The following SLC25A21 variants were observed in gnomAD, a reference collection of about 807,000 sequenced individuals.
SLC25A21 encodes the protein mitochondrial 2-oxodicarboxylate carrier.
A neutral mutation model predicts 43.8 loss-of-function variants in SLC25A21; 47 were observed. The ratio of observed to expected loss-of-function variants is 1.07; its 90% CI spans 0.85 to 1.37. The LOEUF is 1.37. Among genes scored for constraint, SLC25A21 ranks in the 40% most tolerant of loss-of-function variants. The pLI, the probability that SLC25A21 is intolerant of heterozygous loss-of-function variation, is 0.00. For synonymous variants in SLC25A21, 131 were observed against 121.3 expected, an observed-to-expected ratio of 1.08 and a Z score of -0.52; for missense variants, 352 against 350.2, an observed-to-expected ratio of 1.00 and a Z score of -0.04.
intron 1 of SLC25A21, among the ~76,000 whole-genome samples, chr14:37,132,877 C>CACA (rs2138908132): frequency 6.6e-6 from 1 of 152,080 alleles, no homozygotes; most frequent in African/African-American, 2.4e-5. Flanking sequence ...ACTACAGGCA[C>CACA]ACACCACCAT....
rs534572915 is a variant in SLC25A21 at position 36,814,268 on chromosome 14, T to C, written c.120-267A>G. Among the ~76,000 whole-genome samples, 10 of 152,368 alleles carry C rather than the reference T, an allele frequency of 6.6e-5. No individual in the cohort carries two copies. In the East Asian group the frequency reaches 1.5e-3, roughly 24 times the overall value. On this transcript the variant is annotated intron_variant, in intron 2 of 9. Coordinates refer to ENST00000331299, the MANE Select transcript of SLC25A21 (RefSeq NM_030631.4). Reference sequence around the variant, plus strand: ...GCCAGGCAGATTTGCCCTGAGGCATTTGTGCTTTTTCCTTTTGTGAAGAGC... The same window carrying C: ...GCCAGGCAGATTTGCCCTGAGGCATCTGTGCTTTTTCCTTTTGTGAAGAGC...
chr14:37,048,582 G>A (rs995542018), intron 1 of SLC25A21, among the ~76,000 whole-genome samples: 3 of 151,994 alleles, frequency 2.0e-5, no homozygotes, highest in African/African-American at 7.3e-5. Context: ...TATAACCTTA[G>A]AGATGTCATA....
At chr14:37,046,472 ATCTC>A (rs910555057) in intron 1 of SLC25A21, among the ~76,000 whole-genome samples, 2 of 152,194 alleles carry the variant, frequency 1.3e-5, no homozygotes, top group African/African-American at 4.8e-5. Flanking sequence ...GAATTGGCCT[ATCTC>A]TCAATATATA....
chr14:37,033,925 T>A (rs541626066), intron 1 of SLC25A21, among the ~76,000 whole-genome samples: 34 of 152,204 alleles, frequency 2.2e-4, no homozygotes, highest in Non-Finnish European at 4.4e-4. Context: ...ACCATTTGAT[T>A]TCCAAGAAGC....
At chr14:37,161,011 G>GC (rs1963931289) in intron 1 of SLC25A21, among the ~76,000 whole-genome samples, 2 of 91,634 alleles carry the variant, frequency 2.2e-5, no homozygotes, top group Non-Finnish European at 5.0e-5. Context: ...GGTGGAGGGG[G>GC]CGGGGGGGAG....
At position 36,681,736 on chromosome 14, in the gene SLC25A21, C is replaced by CT. The variant is rs530598621; in HGVS notation, c.839-1018dup. Among the ~76,000 whole-genome samples the CT allele has an allele frequency of 1.7e-3, 255 of 148,314 alleles. 5 individuals carry two copies. The highest frequency in any genetic ancestry group is 7.0e-3 in the Middle Eastern group (2 of 286). On this transcript the variant is annotated intron_variant, in intron 9 of 9. Coordinates refer to ENST00000331299, the MANE Select transcript of SLC25A21 (RefSeq NM_030631.4). ...GTTATTTTGAACACACTGCCATATA[C>CT]TTTTTTTTTTAATCTATAGGCTGCA...
chr14:36,847,968 G>C (rs1889599435), intron 2 of SLC25A21, among the ~76,000 whole-genome samples: 1 of 152,174 alleles, frequency 6.6e-6, no homozygotes, highest in Non-Finnish European at 1.5e-5. Flanking sequence ...TAAGGAAGAG[G>C]TGATACACAC....
intron 3 of SLC25A21, among the ~76,000 whole-genome samples, chr14:36,747,920 G>A (rs913481651): frequency 1.3e-5 from 2 of 152,178 alleles, no homozygotes; most frequent in Non-Finnish European, 2.9e-5. Context: ...AAAGTGTGGT[G>A]ACCGTTTGTA....
intron 3 of SLC25A21, among the ~76,000 whole-genome samples, chr14:36,796,579 C>T (rs1470418393): frequency 6.6e-6 from 1 of 152,024 alleles, no homozygotes; most frequent in African/African-American, 2.4e-5. Context: ...CCTTGGGGAG[C>T]TCACTACTTG....
At chr14:36,852,989 A>G (rs527946007) in intron 2 of SLC25A21, among the ~76,000 whole-genome samples, 2 of 150,648 alleles carry the variant, frequency 1.3e-5, no homozygotes, top group Non-Finnish European at 2.9e-5. Context: ...GTCCCTGGTA[A>G]TAAGTTGTGA....
chr14:36,996,870 A>G (rs979461782), intron 1 of SLC25A21, among the ~76,000 whole-genome samples: 1 of 152,166 alleles, frequency 6.6e-6, no homozygotes, highest in Non-Finnish European at 1.5e-5. Context: ...AAAATGAAGA[A>G]GTTCAAAGTG....
chr14:36,910,013 A>C (rs1194514682), intron 1 of SLC25A21, among the ~76,000 whole-genome samples: 1 of 152,224 alleles, frequency 6.6e-6, no homozygotes, highest in Non-Finnish European at 1.5e-5. Context: ...TGACACTTGT[A>C]ATCATGAAGT....
intron 2 of SLC25A21, among the ~76,000 whole-genome samples, chr14:36,832,082 T>G (rs182776582): frequency 1.9e-3 from 290 of 152,240 alleles, no homozygotes; most frequent in African/African-American, 6.7e-3. Flanking sequence ...AGTGTAGTCT[T>G]AAAGAAAACC....
At chr14:37,083,038 T>C (rs1450560963) in intron 1 of SLC25A21, among the ~76,000 whole-genome samples, 2 of 152,220 alleles carry the variant, frequency 1.3e-5, no homozygotes, top group Non-Finnish European at 2.9e-5. Context: ...AACTGTCTCA[T>C]CAATTTCAAG....
At chr14:36,730,972 G>C (rs1955736) in intron 4 of SLC25A21, among the ~76,000 whole-genome samples, 1 of 149,072 alleles carries the variant, frequency 6.7e-6, no homozygotes, top group Non-Finnish European at 1.5e-5. Flanking sequence ...TATAATCTTA[G>C]GTTTTTTTTT....
intron 3 of SLC25A21, among the ~76,000 whole-genome samples, chr14:36,811,416 C>A (rs1331196681): frequency 6.6e-6 from 1 of 151,878 alleles, no homozygotes; most frequent in South Asian, 2.1e-4. Context: ...TTTGGGAGGC[C>A]GAGGAGGGTG....
chr14:36,701,692 C>A (rs574856390), intron 7 of SLC25A21, among the ~76,000 whole-genome samples: 2 of 152,016 alleles, frequency 1.3e-5, no homozygotes, highest in Non-Finnish European at 2.9e-5. Flanking sequence ...ATTGTATATA[C>A]CTATATATTC....
At chr14:36,937,388 C>T (rs770866894) in intron 1 of SLC25A21, among the ~76,000 whole-genome samples, 11 of 152,218 alleles carry the variant, frequency 7.2e-5, no homozygotes, top group Non-Finnish European at 1.2e-4. Flanking sequence ...AACATGCTTA[C>T]GCTTAACCAT....
intron 1 of SLC25A21, among the ~76,000 whole-genome samples, chr14:37,116,094 TA>T (rs905980536): frequency 3.3e-5 from 5 of 151,146 alleles, no homozygotes; most frequent in East Asian, 1.9e-4. Context: ...GTATTGGCTT[TA>T]AAAAAAAACA....
Sources: gnomAD v4.1 joint callset for allele counts (sites outside exome capture counted in the v4.1 genomes callset) on GRCh38, gnomAD v4.1.1 for gene constraint, MANE v1.5 for transcripts, NCBI Gene and HGNC (gene_info 2026-07-23, HGNC 2026-07-21) for gene names.